LARGE1: variants seen among roughly 807,000 people sequenced by gnomAD.
LARGE1 encodes LARGE xylosyl- and glucuronyltransferase 1.
Under a neutral mutation model 87.6 loss-of-function variants are expected in LARGE1, and 43 were observed. The observed-to-expected ratio is 0.49, with a 90% CI of 0.38 to 0.63. The LOEUF (loss-of-function observed/expected upper bound fraction) is 0.63, where lower values mean the gene tolerates loss of function less well. Ranked by LOEUF, LARGE1 falls within the 30% of genes least tolerant of loss-of-function variation. LARGE1 has a pLI of 0.00. For synonymous variants in LARGE1, 434 were observed against 394.6 expected (o/e 1.10, Z -1.18); for missense variants, 802 against 1,000.2 (o/e 0.80, Z 2.67).
the LARGE1 span, among the ~76,000 whole-genome samples, chr22:33,104,556 G>A: frequency 6.6e-6 from 1 of 152,222 alleles, no homozygotes; most frequent in Non-Finnish European, 1.5e-5. Context: ...CTTCAGGTAA[G>A]GGGAGTGATT....
intron 9 of LARGE1, among the ~76,000 whole-genome samples, chr22:33,378,765 T>A (rs1217921666): frequency 6.6e-6 from 1 of 152,186 alleles, no homozygotes; most frequent in African/African-American, 2.4e-5. Context: ...TATGGGTTAG[T>A]GGCTTAGTCC....
In LARGE1 at chr22:33,690,394, C is replaced by T. The variant is rs183841997; in HGVS notation, c.107-39726G>A. On this transcript the variant is annotated intron_variant, in intron 2 of 14. Coordinates refer to ENST00000397394, the MANE Select transcript of LARGE1 (RefSeq NM_133642.5). ...GAAGCACCAGTAAGTGCTATGTGAACGTAACGGCTATAAAAGTTTGTCATT... is the reference window on the plus strand; with the variant it reads ...GAAGCACCAGTAAGTGCTATGTGAATGTAACGGCTATAAAAGTTTGTCATT... Among the ~76,000 whole-genome samples, 96 of 152,208 alleles carry T rather than the reference C, an allele frequency of 6.3e-4. 3 individuals are homozygous for T. The highest frequency in any genetic ancestry group is 2.1e-3 in the African/African-American group (89 of 41,520).
chr22:33,093,822 C>CTTTTTT, the LARGE1 span, among the ~76,000 whole-genome samples: 8 of 81,568 alleles, frequency 9.8e-5, no homozygotes, highest in Admixed American at 1.5e-4. Context: ...TTCTTTCTTT[C>CTTTTTT]TTTTTTTTTT....
At chr22:33,597,278 GAAA>G (rs3072280) in intron 5 of LARGE1, among the ~76,000 whole-genome samples, 12,677 of 129,260 alleles carry the variant, frequency 0.098, 647 homozygotes, top group African/African-American at 0.15. Context: ...CCTAATTCAT[GAAA>G]AAAAAAAAAA....
At chr22:33,910,550 C>T (rs773251539) in intron 1 of LARGE1, among the ~76,000 whole-genome samples, 3 of 152,304 alleles carry the variant, frequency 2.0e-5, no homozygotes, top group East Asian at 3.9e-4. Context: ...CATCCCCTTA[C>T]GAGACTCTTC....
intron 2 of LARGE1, among the ~76,000 whole-genome samples, chr22:33,678,321 G>C (rs1375131415): frequency 2.0e-5 from 3 of 152,080 alleles, no homozygotes; most frequent in Non-Finnish European, 4.4e-5. Context: ...CCTCGAGCTG[G>C]GCCCTCCTCT....
chr22:33,298,984 G>T (rs556383235), intron 12 of LARGE1, among the ~76,000 whole-genome samples: 1 of 152,228 alleles, frequency 6.6e-6, no homozygotes, highest in East Asian at 1.9e-4. Context: ...CTGGGTGGGC[G>T]GATCACTTGA....
chr22:33,230,531 G>A (rs1225550855), intron 11 of LARGE1, among the ~76,000 whole-genome samples: 2 of 152,174 alleles, frequency 1.3e-5, no homozygotes, highest in African/African-American at 4.8e-5. Flanking sequence ...AAACAAACAT[G>A]TCTTTTTCTC....
intron 1 of LARGE1, among the ~76,000 whole-genome samples, chr22:33,861,094 G>T (rs139246421): frequency 6.6e-6 from 1 of 152,100 alleles, no homozygotes; most frequent in South Asian, 2.1e-4. Context: ...CCTCTGCCTC[G>T]AACACCTCTC....
chr22:33,741,379 A>G (rs2083875107), intron 2 of LARGE1, among the ~76,000 whole-genome samples: 1 of 152,260 alleles, frequency 6.6e-6, no homozygotes, highest in Non-Finnish European at 1.5e-5. Flanking sequence ...GATGGTTTAA[A>G]GAGGCCCAAA....
intron 9 of LARGE1, among the ~76,000 whole-genome samples, chr22:33,377,016 C>T (rs1338791652): frequency 6.6e-6 from 1 of 152,196 alleles, no homozygotes; most frequent in Non-Finnish European, 1.5e-5. Flanking sequence ...GAGGTCCATC[C>T]TGGCACTGAG....
chr22:33,637,523 G>A (rs1481393672), intron 3 of LARGE1, among the ~76,000 whole-genome samples: 1 of 152,146 alleles, frequency 6.6e-6, no homozygotes, highest in African/African-American at 2.4e-5. Context: ...GAGCCGGGCT[G>A]TATGACCAAT....
chr22:33,102,194 G>C, the LARGE1 span, among the ~76,000 whole-genome samples: 1 of 149,270 alleles, frequency 6.7e-6, no homozygotes, highest in Admixed American at 6.7e-5. Context: ...TTTTGAGATG[G>C]AGTCTCACTC....
intron 2 of LARGE1, among the ~76,000 whole-genome samples, chr22:33,688,496 C>A (rs1443644722): frequency 6.6e-6 from 1 of 152,134 alleles, no homozygotes; most frequent in Non-Finnish European, 1.5e-5. Flanking sequence ...GGATTACAGG[C>A]ATGCACCATC....
intron 7 of LARGE1, among the ~76,000 whole-genome samples, chr22:33,390,801 CT>C (rs2065490599): frequency 6.6e-6 from 1 of 151,212 alleles, no homozygotes; most frequent in African/African-American, 2.4e-5. Context: ...TTAAGCCATT[CT>C]TGTGCCTCAG....
At chr22:33,736,783 ATTTAC>A (rs2083670481) in intron 2 of LARGE1, among the ~76,000 whole-genome samples, 1 of 151,972 alleles carries the variant, frequency 6.6e-6, no homozygotes, top group Admixed American at 6.6e-5. Flanking sequence ...CTTTTGGTTG[ATTTAC>A]TTTATTTTCA....
intron 11 of LARGE1, among the ~76,000 whole-genome samples, chr22:33,313,479 C>T (rs760294425): frequency 7.2e-5 from 11 of 152,236 alleles, no homozygotes; most frequent in Non-Finnish European, 1.2e-4. Flanking sequence ...ATTCCCGCCC[C>T]GCTGGCGGAC....
At chr22:33,489,612 CTT>C (rs749236258) in intron 6 of LARGE1, among the ~76,000 whole-genome samples, 2 of 152,128 alleles carry the variant, frequency 1.3e-5, no homozygotes, top group African/African-American at 2.4e-5. Flanking sequence ...CTCATTCTGT[CTT>C]GTTTGCCACC....
At chr22:33,471,224 T>C (rs1281571878) in intron 6 of LARGE1, among the ~76,000 whole-genome samples, 1 of 151,856 alleles carries the variant, frequency 6.6e-6, no homozygotes, top group Non-Finnish European at 1.5e-5. Context: ...GATATATTTT[T>C]AGCAGAGATT....
Sources: gnomAD v4.1 joint callset for allele counts (sites outside exome capture counted in the v4.1 genomes callset) on GRCh38, gnomAD v4.1.1 for gene constraint, MANE v1.5 for transcripts, NCBI Gene and HGNC (gene_info 2026-07-23, HGNC 2026-07-21) for gene names.